The following ZBBX variants were observed in gnomAD, a reference collection of about 807,000 sequenced individuals.
ZBBX encodes the protein zinc finger B-box domain containing.
ZBBX carries 101 observed loss-of-function variants against 108.5 expected under a neutral mutation model. The observed-to-expected ratio is 0.93, with a 90% CI of 0.79 to 1.10. ZBBX has a LOEUF of 1.10. Among genes scored for constraint, ZBBX ranks in the 50% least tolerant of loss-of-function variants. ZBBX has a pLI of 0.00. For synonymous variants in ZBBX, 356 were observed against 323.4 expected (o/e 1.10, Z -1.08); for missense variants, 1,009 against 941.4 (o/e 1.07, Z -0.94).
At chr3:167,258,267 C>T (rs1332163956) in intron 20 of ZBBX, among the ~76,000 whole-genome samples, 5 of 152,084 alleles carry the variant, frequency 3.3e-5, no homozygotes, top group Non-Finnish European at 5.9e-5. Context: ...AGTAGAACTA[C>T]CATTTGATCC....
chr3:167,391,303 GTTGACCCAGTC>G (rs1175454452), intron 1 of ZBBX, among the ~76,000 whole-genome samples: 1 of 149,034 alleles, frequency 6.7e-6, no homozygotes, highest in Non-Finnish European at 1.5e-5. Context: ...ATTTATATAT[GTTGACCCAGTC>G]TTGCATCCCA....
chr3:167,364,778 G>A (rs1745077759), intron 6 of ZBBX, among the ~76,000 whole-genome samples: 1 of 151,812 alleles, frequency 6.6e-6, no homozygotes, highest in African/African-American at 2.4e-5. Flanking sequence ...ACCTCTCTAT[G>A]TTTTACAAAT....
intron 1 of ZBBX, chr3:167,401,369 G>T (rs75268424): frequency 6.6e-6 from 1 of 152,130 alleles, no homozygotes; most frequent in Non-Finnish European, 1.5e-5. Context: ...TCAAGAAAGG[G>T]CTCTTGGATC....
intron 20 of ZBBX, among the ~76,000 whole-genome samples, chr3:167,272,808 AG>A (rs1726769583): frequency 1.3e-5 from 2 of 152,322 alleles, no homozygotes; most frequent in Admixed American, 1.3e-4. Flanking sequence ...TAGGAAAACA[AG>A]TCTGTCATAG....
Position 167,317,251 on chromosome 3 carries a change from T to A in ZBBX, c.1094-146A>T, listed in dbSNP as rs779861246. On this transcript the variant is annotated intron_variant, in intron 13 of 21. Transcript: ENST00000675490. The stretch of plus-strand genomic sequence containing the variant: ...ATACTGTCAATTTTCCCAGTTCAAG[T>A]GAAATACACATTTATTAGCATTCAA... 6.0e-5 allele frequency: 40 copies of A among 665,264 alleles called. No individual in the cohort carries two copies. The Middle Eastern group carries it at 1.1e-3, about 19-fold the overall frequency. 41.2% of individuals were successfully genotyped at this position (665,264 alleles called of 1,614,324 possible).
chr3:167,337,715 G>A (rs1484995245), intron 9 of ZBBX, among the ~76,000 whole-genome samples: 1 of 151,884 alleles, frequency 6.6e-6, no homozygotes, highest in Non-Finnish European at 1.5e-5. Flanking sequence ...TCTTAAAAGA[G>A]CATATCTAGA....
chr3:167,185,182 A>G, the ZBBX span, among the ~76,000 whole-genome samples: 2,026 of 152,338 alleles, frequency 0.013, 22 homozygotes, highest in South Asian at 0.026. Context: ...ATGAAAAACC[A>G]ATTAGCAATA....
At chr3:167,372,501 G>T (rs972087033) in intron 4 of ZBBX, among the ~76,000 whole-genome samples, 1 of 152,078 alleles carries the variant, frequency 6.6e-6, no homozygotes, top group African/African-American at 2.4e-5. Flanking sequence ...CCTGGTTAGG[G>T]TCTCTTATCC....
chr3:167,395,759 T>A lies in ZBBX; in HGVS notation c.-446+11967A>T, dbSNP rs73879696. Among the ~76,000 whole-genome samples, 518 of 152,084 alleles carry A rather than the reference T, an allele frequency of 3.4e-3. 5 individuals carry two copies. The highest frequency in any genetic ancestry group is 0.012 in the African/African-American group (493 of 41,522). On this transcript the variant is annotated intron_variant, in intron 1 of 21. Coordinates refer to the ZBBX transcript ENST00000455345. ...GGGTTCCCTTCAATTTTAGCTTATT[T>A]TGCCTTTTTGTCTATGCATATCATA...
chr3:167,304,934 A>G (rs1358273907), intron 17 of ZBBX, among the ~76,000 whole-genome samples: 5 of 152,078 alleles, frequency 3.3e-5, no homozygotes, highest in African/African-American at 4.8e-5. Flanking sequence ...TCAAGTATTC[A>G]TCCTTCTGCT....
At chr3:167,350,225 A>G (rs2108495090) in intron 9 of ZBBX, among the ~76,000 whole-genome samples, 195 bp downstream of exon 9, 1 of 152,202 alleles carries the variant, frequency 6.6e-6, no homozygotes, top group East Asian at 1.9e-4. Flanking sequence ...AAACAGTTTA[A>G]ATAGTAAAAT....
chr3:167,334,387 A>G (rs1739199933), intron 9 of ZBBX, among the ~76,000 whole-genome samples: 1 of 152,094 alleles, frequency 6.6e-6, no homozygotes, highest in East Asian at 1.9e-4. Context: ...CAGCCTGGCC[A>G]ACATGGTGAA....
the ZBBX span, among the ~76,000 whole-genome samples, chr3:167,209,094 G>A: frequency 6.6e-6 from 1 of 151,014 alleles, no homozygotes; most frequent in Non-Finnish European, 1.5e-5. Flanking sequence ...AGAAAGAGAA[G>A]GGAGGAATGG....
At chr3:167,282,027 C>T (rs1728891293) in intron 20 of ZBBX, among the ~76,000 whole-genome samples, 1 of 152,308 alleles carries the variant, frequency 6.6e-6, no homozygotes, top group Middle Eastern at 3.4e-3. Context: ...TGGGGTCCAT[C>T]TTTGGTGTGG....
chr3:167,196,803 A>G, the ZBBX span, among the ~76,000 whole-genome samples: 3 of 151,978 alleles, frequency 2.0e-5, no homozygotes, highest in Non-Finnish European at 2.9e-5. Flanking sequence ...TTTAAAGCAT[A>G]AAGAAGTTGT....
At chr3:167,279,823 C>T (rs1246329682) in intron 20 of ZBBX, among the ~76,000 whole-genome samples, 1 of 152,172 alleles carries the variant, frequency 6.6e-6, no homozygotes, top group African/African-American at 2.4e-5. Context: ...AAGCTGGAGG[C>T]ATCATACTAC....
At chr3:167,232,711 C>T in the ZBBX span, among the ~76,000 whole-genome samples, 1 of 151,702 alleles carries the variant, frequency 6.6e-6, no homozygotes, top group Admixed American at 6.6e-5. Flanking sequence ...ATAGACCAGT[C>T]CTTGGAAATT....
intron 8 of ZBBX, among the ~76,000 whole-genome samples, chr3:167,356,043 T>C (rs958267735): frequency 2.0e-5 from 3 of 152,100 alleles, no homozygotes; most frequent in Admixed American, 6.6e-5. Context: ...ACTTGTGTCA[T>C]ACTGTTCAAG....
chr3:167,368,326 C>T (rs1025273812), intron 5 of ZBBX, 135 bp downstream of exon 5: 10 of 637,300 alleles, frequency 1.6e-5, no homozygotes, highest in Non-Finnish European at 2.3e-5. Context: ...AAGGCCTTTG[C>T]TATTGCTCGT....
Sources: allele counts gnomAD v4.1 joint callset (sites outside exome capture counted in the v4.1 genomes callset), GRCh38; gene constraint gnomAD v4.1.1; transcripts MANE v1.5; gene names NCBI Gene and HGNC (gene_info 2026-07-23, HGNC 2026-07-21).